Variants in RBSN observed in about 807,000 individuals in gnomAD.
RBSN encodes the protein rabenosyn-5.
In RBSN, 34 loss-of-function variants were observed where a neutral mutation model predicts 60.5. The observed-to-expected ratio is 0.56, with a 90% confidence interval of 0.43 to 0.75. The LOEUF is 0.75. RBSN is among the 30% of genes least tolerant of loss of function. The probability of loss-of-function intolerance (pLI) is 0.00; values close to 1 mark genes in which losing one functional copy is unlikely to be tolerated. For missense variants in RBSN, 845 were observed against 986.8 expected, an observed-to-expected ratio of 0.86 and a Z score of 1.92; for synonymous variants, 322 against 366.9, an observed-to-expected ratio of 0.88 and a Z score of 1.40.
At chr3:15,088,961 A>C (rs563074215) in intron 5 of RBSN, among the ~76,000 whole-genome samples, 1 of 152,268 alleles carries the variant, frequency 6.6e-6, no homozygotes, top group South Asian at 2.1e-4. Context: ...AGCCTGGGTA[A>C]ATTTCGCTTT....
chr3:15,079,021 G>C (rs2043139046), intron 10 of RBSN, among the ~76,000 whole-genome samples: 1 of 151,754 alleles, frequency 6.6e-6, no homozygotes, highest in African/African-American at 2.4e-5. Flanking sequence ...GCTGGGATCT[G>C]ACTCTAGTAG....
At position 15,072,974 on chromosome 3, in the gene RBSN, A is replaced by AAGTGTTGCGTGAGCC. The variant is rs1385204030; in HGVS notation, c.*807_*808insGGCTCACGCAACACT. The AAGTGTTGCGTGAGCC allele has an allele frequency of 6.6e-6, 1 of 152,192 alleles. No individual in the cohort carries two copies. Among genetic ancestry groups the AAGTGTTGCGTGAGCC allele is most frequent in the Non-Finnish European group, 1.5e-5 (1 of 68,078 alleles). 9.4% of individuals were successfully genotyped at this position (152,192 alleles called of 1,614,324 possible). On this transcript the variant is annotated 3_prime_UTR_variant, in exon 14 of 14. Coordinates refer to ENST00000253699, the MANE Select transcript of RBSN (RefSeq NM_022340.4). Reference sequence around the variant, plus strand: ...GTGATCTGCCTGCCTCGGCCTCCCAAAGTGTTGCGATTACAGGCGTGAGCC... The same window carrying AAGTGTTGCGTGAGCC: ...GTGATCTGCCTGCCTCGGCCTCCCAAAGTGTTGCGTGAGCCAGTGTTGCGATTACAGGCGTGAGCC...
At chr3:15,088,276 C>T (rs1397287244) in intron 5 of RBSN, among the ~76,000 whole-genome samples, 1 of 152,172 alleles carries the variant, frequency 6.6e-6, no homozygotes, top group African/African-American at 2.4e-5. Context: ...CTCACATGGG[C>T]AATCATGAAA....
intron 5 of RBSN, 97 bp downstream of exon 5, chr3:15,090,302 G>C: frequency 1.5e-6 from 2 of 1,362,304 alleles, no homozygotes; most frequent in Admixed American, 2.1e-5. Context: ...GACCATTATG[G>C]TTTACTGATG....
chr3:15,088,966 C>T (rs1370002303), intron 5 of RBSN, among the ~76,000 whole-genome samples: 3 of 152,108 alleles, frequency 2.0e-5, no homozygotes, highest in East Asian at 1.9e-4. Flanking sequence ...GGGTAAATTT[C>T]GCTTTCCTTC....
At position 15,089,471 on chromosome 3, in the gene RBSN, A is replaced by C. The variant is rs1420899775; in HGVS notation, c.289+928T>G. Among the ~76,000 whole-genome samples the C allele has an allele frequency of 1.1e-3, 122 of 109,214 alleles. 1 individual carries two copies. The highest frequency in any genetic ancestry group is 8.3e-3 in the African/African-American group (111 of 13,320). 71.6% of individuals were successfully genotyped at this position (109,214 alleles called of 152,430 possible). A position where few individuals can be genotyped will look rare whatever the true frequency, so the allele number is the denominator to read the frequency against. ...ACTCCATCTCCAAAAAAAAAAAAAA[A>C]AAAAAACAAAAAAAAAAAACAGATA... On this transcript the variant is annotated intron_variant, in intron 5 of 13. Transcript: ENST00000253699.
chr3:15,071,796 A>T lies in RBSN; in HGVS notation c.*1986T>A, dbSNP rs116667618. 2,066 of 152,792 alleles carry T rather than the reference A, an allele frequency of 0.014. 17 individuals are homozygous for T. The highest frequency in any genetic ancestry group is 0.027 in the Middle Eastern group (8 of 294). The allele number at this position is 152,792 out of a possible 1,614,324, so 9.5% of individuals were successfully genotyped here. On this transcript the variant is annotated 3_prime_UTR_variant, in exon 14 of 14. Transcript: ENST00000253699. The stretch of plus-strand genomic sequence containing the variant: ...AATGAATTTCAGCTTTCACACCAGT[A>T]ACCAGTGAAAGTATGGCCTAGAGCT...
intron 10 of RBSN, 123 bp downstream of exon 10, chr3:15,080,609 A>C: frequency 1.1e-6 from 1 of 906,496 alleles, no homozygotes; most frequent in Non-Finnish European, 1.7e-6. Flanking sequence ...AACCAACTTC[A>C]GCTGGTCTCA....
At chr3:15,093,935 G>A (rs1334081984) in intron 4 of RBSN, among the ~76,000 whole-genome samples, 1 of 152,052 alleles carries the variant, frequency 6.6e-6, no homozygotes, top group African/African-American at 2.4e-5. Context: ...AAACTCCTAA[G>A]CTGAAGCGAT....
intron 2 of RBSN, among the ~76,000 whole-genome samples, chr3:15,097,885 G>C (rs552171024): frequency 6.6e-6 from 1 of 152,176 alleles, no homozygotes; most frequent in Admixed American, 6.5e-5. Flanking sequence ...CTCTAGTTAA[G>C]AAACCCAGTG....
In RBSN at chr3:15,074,863, C is replaced by T. The variant is rs1188733332; in HGVS notation, c.1274G>A (p.Gly425Glu). The change falls in exon 14 of 14, where the codon GGG (glycine) becomes GAG (glutamate). Residue 425 changes from glycine to glutamate, a missense_variant. Transcript: ENST00000253699. The surrounding 1 kb of genome is among the most constrained non-coding windows in gnomAD (Gnocchi z 6.4). ...GCCCCTGCGGAGAGATGCCACCTCC[C>T]CGTTGGCCGCTCGAGAAGCCAGGCC... ...QSGLASRAAN[G>E]EVASLRRGPA... 6.2e-7 allele frequency: 1 copy of T among 1,614,154 alleles called. No individual in the cohort carries two copies. Among genetic ancestry groups the T allele is most frequent in the Admixed American group, 1.7e-5 (1 of 60,034 alleles).
Position 15,077,771 on chromosome 3 carries a change from C to T in RBSN, c.998+304G>A, listed in dbSNP as rs2043091014. 6.6e-6 allele frequency among the ~76,000 whole-genome samples: 1 copy of T among 152,222 alleles called. No individual in the cohort carries two copies. The highest frequency in any genetic ancestry group is 1.5e-5 in the Non-Finnish European group (1 of 68,046). ...CTTTGACACAGGATGTTAATCCCTA[C>T]CTCACAGGGTAACTTCAGTAGAATA... On this transcript the variant is annotated intron_variant, in intron 11 of 13. Coordinates refer to ENST00000253699, the MANE Select transcript of RBSN (RefSeq NM_022340.4). The surrounding 1 kb of genome is among the most constrained non-coding windows in gnomAD (Gnocchi z 4.4).
intron 9 of RBSN, chr3:15,081,038 G>A (rs1386827868): frequency 2.0e-6 from 1 of 491,422 alleles, no homozygotes; most frequent in Non-Finnish European, 3.6e-6. Flanking sequence ...TTTTGAGAAG[G>A]AATTTTGTTC....
At chr3:15,081,074 C>T (rs1237973862) in intron 9 of RBSN, 3 of 374,600 alleles carry the variant, frequency 8.0e-6, no homozygotes, top group Non-Finnish European at 1.5e-5. Flanking sequence ...AGTACAATGG[C>T]GCGATCTCCA....
In RBSN at chr3:15,082,721, G is replaced by C. The variant is rs2043237520; in HGVS notation, c.599-113C>G. 3 of 1,452,612 alleles carry C rather than the reference G, an allele frequency of 2.1e-6. No homozygotes were observed. The highest frequency in any genetic ancestry group is 1.9e-6 in the Non-Finnish European group (2 of 1,080,710). The allele number at this position is 1,452,612 out of a possible 1,614,324, so 90.0% of individuals were successfully genotyped here. Reference sequence around the variant, plus strand: ...TTGATTTGGAGAGTAATAAGATCAGGCTCCAGCTGTGGGCACGTACTGCCC... The same window carrying C: ...TTGATTTGGAGAGTAATAAGATCAGCCTCCAGCTGTGGGCACGTACTGCCC... On this transcript the variant is annotated intron_variant, in intron 8 of 13. Coordinates refer to ENST00000253699, the MANE Select transcript of RBSN (RefSeq NM_022340.4). This position sits in a 1 kb window ranked among gnomAD's most constrained non-coding sequence, Gnocchi z 4.2.
intron 6 of RBSN, 35 bp from the exon 7 acceptor site, chr3:15,085,080 C>A (rs2043303717): frequency 6.2e-7 from 1 of 1,612,516 alleles, no homozygotes; most frequent in Non-Finnish European, 8.5e-7. Context: ...ATGAAATTAA[C>A]CAGGTGATGT....
rs1559338736 is a variant in RBSN, at chr3:15,074,465, G to A, written c.1672C>T (p.Gln558Ter). ...CGAGGCTCTCTGCTGGGCTCCAGCT[G>A]AAAAGGGCCGATTTCTCTGAAGTCC... ...SLDFREIGPFQLEPSREPRTH... is the reference protein window; with the variant it reads ...SLDFREIGPF Residue 558 changes from glutamine to a stop codon, truncating the protein, a stop_gained, in exon 14 of 14, where the codon CAG (glutamine) becomes TAG (stop). Transcript: ENST00000253699. LOFTEE classifies it low-confidence loss of function (END_TRUNC). This position sits in a 1 kb window ranked among gnomAD's most constrained non-coding sequence, Gnocchi z 6.4. 1 of 1,614,118 alleles carries A rather than the reference G, an allele frequency of 6.2e-7. No homozygotes were observed. Among genetic ancestry groups the A allele is most frequent in the Non-Finnish European group, 8.5e-7 (1 of 1,180,046 alleles).
At chr3:15,081,744 C>A (rs1170488840) in intron 9 of RBSN, among the ~76,000 whole-genome samples, 1 of 152,254 alleles carries the variant, frequency 6.6e-6, no homozygotes, top group East Asian at 1.9e-4. Context: ...CCTCCCCACC[C>A]AGTCCACCTG....
In RBSN at chr3:15,084,786, C is replaced by T. The variant is rs376613564; in HGVS notation, c.547G>A (p.Gly183Arg). 4 of 1,613,986 alleles carry T rather than the reference C, an allele frequency of 2.5e-6. No individual in the cohort carries two copies. Among genetic ancestry groups the T allele is most frequent in the Non-Finnish European group, 2.5e-6 (3 of 1,179,994 alleles). ...RNRRHHCRLC[G>R]SIMCKKCMEL... ...ATACACTTCTTGCACATAATAGACC[C>T]GCAGAGGCGGCAGTGGTGGCGGCGG... The change falls in exon 8 of 14, where the codon GGG becomes AGG. Residue 183 changes from glycine (G) to arginine (R), a missense_variant. Physicochemically the swap from Gly to Arg is moderately radical, Grantham distance 125. Coordinates refer to ENST00000253699, the MANE Select transcript of RBSN (RefSeq NM_022340.4). This position sits in a 1 kb window ranked among gnomAD's most constrained non-coding sequence, Gnocchi z 4.2.
Sources: allele counts gnomAD v4.1 joint callset (sites outside exome capture counted in the v4.1 genomes callset), GRCh38; gene constraint gnomAD v4.1.1; non-coding constraint Gnocchi (gnomAD v3.1); transcripts MANE v1.5; gene names NCBI Gene and HGNC (gene_info 2026-07-23, HGNC 2026-07-21).